RASAL3: variants seen among roughly 807,000 people sequenced by gnomAD.
RASAL3 encodes the protein RAS protein activator like-3.
In RASAL3, 74 loss-of-function variants were observed where a neutral mutation model predicts 105.5. The observed-to-expected ratio is 0.70, with a 90% CI of 0.58 to 0.85. The LOEUF is 0.85. Ranked by LOEUF, RASAL3 falls within the 40% of genes least tolerant of loss-of-function variation. The pLI, the probability that RASAL3 is intolerant of heterozygous loss-of-function variation, is 0.00. For missense variants in RASAL3, 1,352 were observed against 1,392.0 expected (o/e 0.97, Z 0.46); for synonymous variants, 579 against 591.6 (o/e 0.98, Z 0.31).
chr19:15,457,318 C>T lies in RASAL3; in HGVS notation c.1405G>A (p.Val469Met). Residue 469 changes from valine to methionine, a missense_variant, in exon 9 of 18, where the codon GTG (valine) becomes ATG (methionine). Coordinates refer to ENST00000343625, the MANE Select transcript of RASAL3 (RefSeq NM_022904.3). This position sits in a 1 kb window ranked among gnomAD's most constrained non-coding sequence, Gnocchi z 8.6. The part of the protein sequence containing the change: ...KEELAAAMVR[V>M]LRATGRAQAL... The stretch of plus-strand genomic sequence containing the variant: ...TGCGCCCGGCCGGTGGCCCGCAGCA[C>T]GCGCACCATGGCTGCCGCCAGCTCC... 2 of 1,341,008 alleles carry T rather than the reference C, an allele frequency of 1.5e-6. No homozygotes were observed. Among genetic ancestry groups the T allele is most frequent in the Admixed American group, 4.0e-5 (1 of 24,852 alleles). The allele number at this position is 1,341,008 out of a possible 1,614,324, so 83.1% of individuals were successfully genotyped here. A position where few individuals can be genotyped will look rare whatever the true frequency, so the allele number is the denominator to read the frequency against.
Position 15,451,672 on chromosome 19 carries a change from G to T in RASAL3, c.*123C>A. 1 of 1,056,702 alleles carries T rather than the reference G, an allele frequency of 9.5e-7. No homozygotes were observed. Among genetic ancestry groups the T allele is most frequent in the Non-Finnish European group, 1.4e-6 (1 of 737,194 alleles). The allele number at this position is 1,056,702 out of a possible 1,614,324, so 65.5% of individuals were successfully genotyped here. The stretch of plus-strand genomic sequence containing the variant: ...TGGGCAACTTCATACTGCCAGAGTG[G>T]TTGGGACCAGCAGCTCCACTCCCCA... On this transcript the variant is annotated 3_prime_UTR_variant, in exon 18 of 18. Coordinates refer to ENST00000343625, the MANE Select transcript of RASAL3 (RefSeq NM_022904.3).
At chr19:15,452,007 C>T (rs748794467) in intron 17 of RASAL3, 38 bp downstream of exon 17, 3 of 1,613,852 alleles carry the variant, frequency 1.9e-6, no homozygotes, top group East Asian at 4.5e-5. Context: ...GCTCCTCCAC[C>T]GCCCAGACCT....
At position 15,464,146 on chromosome 19, in the gene RASAL3, T is replaced by C. The variant is rs751438102; in HGVS notation, c.213A>G (p.Leu71=). 25 of 1,613,288 alleles carry C rather than the reference T, an allele frequency of 1.5e-5. No individual in the cohort carries two copies. In the Middle Eastern group the frequency reaches 2.3e-3, roughly 151 times the overall value. The change falls in exon 2 of 18, where the codon CTA becomes CTG. Residue 71 remains leucine, a synonymous_variant. Transcript: ENST00000343625. ...PAPRSIFRRV[L]SAPPKESRTS... The stretch of plus-strand genomic sequence containing the variant: ...TCCGTGACTCCTTGGGAGGCGCAGA[T>C]AGGACCCGACGGAATATCGAGCGAG...
chr19:15,457,545 G>C lies in RASAL3; in HGVS notation c.1178C>G (p.Pro393Arg). Residue 393 changes from proline to arginine, a missense_variant, in exon 9 of 18, where the codon CCA becomes CGA. Physicochemically the swap from Pro to Arg is moderately radical, Grantham distance 103 (BLOSUM62 -2). Coordinates refer to ENST00000343625, the MANE Select transcript of RASAL3 (RefSeq NM_022904.3). This position sits in a 1 kb window ranked among gnomAD's most constrained non-coding sequence, Gnocchi z 8.6. ...CTCCAGACCGGCGGCAGGCGCGCGT[G>C]GGGCGTCCAGCTCCTCCAGCGCCAG... is the stretch of plus-strand genomic sequence containing the variant. The part of the protein sequence containing the change: ...VALALEELDA[P>R]RAPAAGLERW... 1 of 1,145,344 alleles carries C rather than the reference G, an allele frequency of 8.7e-7. No individual in the cohort carries two copies. Among genetic ancestry groups the C allele is most frequent in the Non-Finnish European group, 1.1e-6 (1 of 929,426 alleles). 70.9% of individuals were successfully genotyped at this position (1,145,344 alleles called of 1,614,324 possible).
intron 16 of RASAL3, 120 bp from the exon 17 acceptor site, chr19:15,452,228 C>A (rs1021817926): frequency 9.8e-5 from 93 of 949,434 alleles, no homozygotes; most frequent in South Asian, 5.6e-4. Context: ...CTTGTCCAGA[C>A]TGAGGGGCGG....
rs1328252207 is a variant in RASAL3, at chr19:15,456,268, G to C, written c.1577-20C>G. 1 of 1,610,410 alleles carries C rather than the reference G, an allele frequency of 6.2e-7. No homozygotes were observed. The highest frequency in any genetic ancestry group is 8.5e-7 in the Non-Finnish European group (1 of 1,177,420). On this transcript the variant is annotated intron_variant, in intron 10 of 17. Coordinates refer to ENST00000343625, the MANE Select transcript of RASAL3 (RefSeq NM_022904.3). This position sits in a 1 kb window ranked among gnomAD's most constrained non-coding sequence, Gnocchi z 4.4. Reference sequence around the variant, plus strand: ...CCTGTCCTGCAGCCCAGCACAGCCAGATAGGGGCTGGGGCCATGACCACCA... The same window carrying C: ...CCTGTCCTGCAGCCCAGCACAGCCACATAGGGGCTGGGGCCATGACCACCA...
At position 15,464,016 on chromosome 19, in the gene RASAL3, G is replaced by C. The variant is rs189133549; in HGVS notation, c.328+15C>G. The C allele has an allele frequency of 4.9e-4, 759 of 1,533,588 alleles. 1 individual carries two copies. In the African/African-American group the frequency reaches 9.1e-3, roughly 18 times the overall value. The allele number at this position is 1,533,588 out of a possible 1,614,324, so 95.0% of individuals were successfully genotyped here. ...TCCCAGCCCGGCCCAAGCTCAGGGT[G>C]GGGGAACCATGTACCTGGGGCCTCC... On this transcript the variant is annotated intron_variant, in intron 2 of 17. Coordinates refer to ENST00000343625, the MANE Select transcript of RASAL3 (RefSeq NM_022904.3).
Position 15,457,779 on chromosome 19 carries a change from C to T in RASAL3, c.944G>A (p.Gly315Glu). The T allele has an allele frequency of 2.6e-6, 4 of 1,547,968 alleles. No homozygotes were observed. Among genetic ancestry groups the T allele is most frequent in the Non-Finnish European group, 2.6e-6 (3 of 1,146,534 alleles). The part of the protein sequence containing the change: ...WLSVWVHEAK[G>E]LPRAAAGAPG... The stretch of plus-strand genomic sequence containing the variant: ...TGCCCCCGCCGCTGCTCGGGGAAGC[C>T]CCTTCGCTTCGTGCACCCACACGCT... The change falls in exon 9 of 18, where the codon GGG becomes GAG. Residue 315 changes from glycine to glutamate, a missense_variant. Physicochemically the swap from Gly to Glu is moderately conservative, Grantham distance 98 (BLOSUM62 -2). Transcript: ENST00000343625. This position sits in a 1 kb window ranked among gnomAD's most constrained non-coding sequence, Gnocchi z 8.6.
At position 15,457,900 on chromosome 19, in the gene RASAL3, A is replaced by G. The variant is rs1416792387; in HGVS notation, c.889-66T>C. ...TTGGCACCCCAAAGAAGGCACCGCAAGTGAAGCGTGGAGCCTCAAACCTGT... is the reference window on the plus strand; with the variant it reads ...TTGGCACCCCAAAGAAGGCACCGCAGGTGAAGCGTGGAGCCTCAAACCTGT... On this transcript the variant is annotated intron_variant, in intron 8 of 17. Coordinates refer to ENST00000343625, the MANE Select transcript of RASAL3 (RefSeq NM_022904.3). The surrounding 1 kb of genome is among the most constrained non-coding windows in gnomAD (Gnocchi z 8.6). The G allele has an allele frequency of 3.9e-6, 6 of 1,519,642 alleles. No homozygotes were observed. Among genetic ancestry groups the G allele is most frequent in the Non-Finnish European group, 4.4e-6 (5 of 1,125,620 alleles). 94.1% of individuals were successfully genotyped at this position (1,519,642 alleles called of 1,614,324 possible). A position where few individuals can be genotyped will look rare whatever the true frequency, so the allele number is the denominator to read the frequency against.
chr19:15,457,402 A>T lies in RASAL3; in HGVS notation c.1321T>A (p.Phe441Ile). Residue 441 changes from phenylalanine (F) to isoleucine (I), a missense_variant, in exon 9 of 18, where the codon TTC (phenylalanine) becomes ATC (isoleucine). By Grantham distance (21) the Phe-to-Ile change is conservative. Around this residue, in one of 3 missense-constraint regions of RASAL3, gnomAD observed 920 missense variants for 919.6 expected, o/e 1.00. Transcript: ENST00000343625. The surrounding 1 kb of genome is among the most constrained non-coding windows in gnomAD (Gnocchi z 8.6). ...RYKELAEFLT[F>I]HYARLCGALE... ...GCCCCGCAGAGGCGCGCATAGTGGA[A>T]GGTGAGGAACTCCGCCAGCTCCTTG... 6.9e-7 allele frequency: 1 copy of T among 1,449,846 alleles called. No homozygotes were observed. The highest frequency in any genetic ancestry group is 9.0e-7 in the Non-Finnish European group (1 of 1,105,856). 89.8% of individuals were successfully genotyped at this position (1,449,846 alleles called of 1,614,324 possible).
Position 15,452,101 on chromosome 19 carries a change from C to T in RASAL3, c.2836G>A (p.Glu946Lys), listed in dbSNP as rs367885924. 5.0e-6 allele frequency: 8 copies of T among 1,613,872 alleles called. No individual in the cohort carries two copies. The South Asian group carries it at 7.7e-5, about 16-fold the overall frequency. Residue 946 changes from glutamate to lysine, a missense_variant, in exon 17 of 18, where the codon GAG (glutamate) becomes AAG (lysine). Transcript: ENST00000343625. ...LDSRLRAGSSEFDSEHNLTSN... is the reference protein window; with the variant it reads ...LDSRLRAGSSKFDSEHNLTSN... ...GTTAGGTTGTGCTCTGAATCAAACT[C>T]TGAGCTCCTGTGGGGGTCGGGGGAT...
chr19:15,453,640 G>A lies in RASAL3; in HGVS notation c.2280-143C>T. On this transcript the variant is annotated intron_variant, in intron 14 of 17. Coordinates refer to ENST00000343625, the MANE Select transcript of RASAL3 (RefSeq NM_022904.3). This position sits in a 1 kb window ranked among gnomAD's most constrained non-coding sequence, Gnocchi z 4.2. ...AGACAAGGTCTTGCTCTGTCGCCCA[G>A]GCTGGAGTGCAGTGGCTAGATCATA... 1.2e-6 allele frequency: 1 copy of A among 807,932 alleles called. No homozygotes were observed. The highest frequency in any genetic ancestry group is 1.8e-6 in the Non-Finnish European group (1 of 558,194). The allele number at this position is 807,932 out of a possible 1,614,324, so 50.0% of individuals were successfully genotyped here.
At chr19:15,452,581 G>GT (rs1970186918) in intron 16 of RASAL3, 77 bp downstream of exon 16, 20 of 1,206,412 alleles carry the variant, frequency 1.7e-5, no homozygotes, top group Non-Finnish European at 2.1e-5. Flanking sequence ...GGTTTGGGGG[G>GT]GGGGGGGAGG....
chr19:15,454,717 C>A lies in RASAL3; in HGVS notation c.1898G>T (p.Gly633Val). The change falls in exon 12 of 18, where the codon GGC (glycine) becomes GTC (valine). Residue 633 changes from glycine to valine, a missense_variant. Physicochemically the swap from Gly to Val is moderately radical, Grantham distance 109. Transcript: ENST00000343625. ...AATCAGTGTGAGGGTGCGGGCTGGG[C>A]CGGGTGCTGGATGGTCTGGTGCCAA... ...FGLAPDHPAP[G>V]PARTLTLIAK... 3 of 1,610,960 alleles carry A rather than the reference C, an allele frequency of 1.9e-6. No individual in the cohort carries two copies. Among genetic ancestry groups the A allele is most frequent in the Non-Finnish European group, 2.5e-6 (3 of 1,178,592 alleles).
Position 15,453,264 on chromosome 19 carries a change from G to A in RASAL3, c.2513C>T (p.Pro838Leu), listed in dbSNP as rs773720098. 5 of 1,565,666 alleles carry A rather than the reference G, an allele frequency of 3.2e-6. No homozygotes were observed. The highest frequency in any genetic ancestry group is 4.3e-6 in the Non-Finnish European group (5 of 1,158,240). ...RRQSAGPWPR[P>L]KGSLSMGPAP... ...TGGTCCCATGCTCAGGGAGCCTTTGGGTCGCGGCCAGGGCCCCGCAGATTG... is the reference window on the plus strand; with the variant it reads ...TGGTCCCATGCTCAGGGAGCCTTTGAGTCGCGGCCAGGGCCCCGCAGATTG... The change falls in exon 15 of 18, where the codon CCC becomes CTC. Residue 838 changes from proline to leucine, a missense_variant. Coordinates refer to ENST00000343625, the MANE Select transcript of RASAL3 (RefSeq NM_022904.3). The surrounding 1 kb of genome is among the most constrained non-coding windows in gnomAD (Gnocchi z 4.2).
In RASAL3 at chr19:15,452,720, C is replaced by G. The variant is rs1209918727; in HGVS notation, c.2766G>C (p.Leu922Phe). The change falls in exon 16 of 18, where the codon TTG becomes TTC. Residue 922 changes from leucine to phenylalanine, a missense_variant. Physicochemically the swap from Leu to Phe is conservative, Grantham distance 22. This residue lies in a region of RASAL3 where 920 missense variants were observed against 919.6 expected (regional missense o/e 1.00). Coordinates refer to ENST00000343625, the MANE Select transcript of RASAL3 (RefSeq NM_022904.3). The stretch of plus-strand genomic sequence containing the variant: ...CCCGCAGCTGCTCCTGCTGCTCCGT[C>G]AAGGCCCGGATTTGGGTGCTCAGCG... ...VESLSTQIRA[L>F]TEQQEQLRGQ... 3 of 1,555,410 alleles carry G rather than the reference C, an allele frequency of 1.9e-6. No individual in the cohort carries two copies. The highest frequency in any genetic ancestry group is 1.9e-5 in the Admixed American group (1 of 51,724).
At chr19:15,461,971 C>A (rs1372040132) in intron 2 of RASAL3, among the ~76,000 whole-genome samples, 4 of 152,206 alleles carry the variant, frequency 2.6e-5, no homozygotes, top group Non-Finnish European at 1.5e-5. Context: ...CAGTCACAAG[C>A]ATTCTTCTCT....
At position 15,464,236 on chromosome 19, in the gene RASAL3, G is replaced by T; in HGVS notation, c.123C>A (p.Gly41=). The T allele has an allele frequency of 6.2e-7, 1 of 1,609,244 alleles. No homozygotes were observed. Among genetic ancestry groups the T allele is most frequent in the South Asian group, 1.1e-5 (1 of 90,400 alleles). The stretch of plus-strand genomic sequence containing the variant: ...GGGCCCTGCCCCAGCCAGCAAAGCG[G>T]CCCCAGCGGAACCCTCCAGCCGCCT... ...GEKAAGGFRW[G]RFAGWGRALS... The change falls in exon 2 of 18, where the codon GGC becomes GGA. Residue 41 remains glycine, a synonymous_variant. Coordinates refer to ENST00000343625, the MANE Select transcript of RASAL3 (RefSeq NM_022904.3).
At chr19:15,455,309 T>C (rs1398526878) in intron 11 of RASAL3, among the ~76,000 whole-genome samples, 1 of 152,082 alleles carries the variant, frequency 6.6e-6, no homozygotes, top group Admixed American at 6.6e-5. Context: ...AGTCACTTGA[T>C]TGAAGTCAGG....
Sources: allele counts gnomAD v4.1 joint callset (sites outside exome capture counted in the v4.1 genomes callset), GRCh38; gene constraint gnomAD v4.1.1; regional missense constraint gnomAD v4.1.1; non-coding constraint Gnocchi (gnomAD v3.1); transcripts MANE v1.5; gene names NCBI Gene and HGNC (gene_info 2026-07-23, HGNC 2026-07-21).